The following CCDC125 variants were observed in gnomAD, a reference collection of about 807,000 sequenced individuals.
CCDC125 encodes coiled-coil domain containing 125, also known as coiled-coil domain-containing protein 125.
A neutral mutation model predicts 57.4 loss-of-function variants in CCDC125; 43 were observed. The observed-to-expected ratio is 0.75, with a 90% confidence interval of 0.59 to 0.97. CCDC125 has a LOEUF of 0.97. CCDC125 is among the 50% of genes least tolerant of loss of function. CCDC125 has a pLI of 0.00. For synonymous variants in CCDC125, 187 were observed against 195.2 expected (o/e 0.96, Z 0.35); for missense variants, 563 against 595.7 (o/e 0.95, Z 0.57).
chr5:69,331,232 G>T (rs1396138020), intron 1 of CCDC125, among the ~76,000 whole-genome samples: 1 of 151,986 alleles, frequency 6.6e-6, no homozygotes, highest in Non-Finnish European at 1.5e-5. Context: ...AACTTGGGAG[G>T]TGGAGGTTCC....
intron 10 of CCDC125, among the ~76,000 whole-genome samples, chr5:69,289,716 A>G (rs886898378): frequency 1.3e-5 from 2 of 151,958 alleles, no homozygotes; most frequent in African/African-American, 4.8e-5. Context: ...TACAAAATTT[A>G]GCCTGGCATG....
chr5:69,329,056 G>A (rs1299933452), intron 1 of CCDC125, among the ~76,000 whole-genome samples: 2 of 151,744 alleles, frequency 1.3e-5, no homozygotes, highest in African/African-American at 2.4e-5. Flanking sequence ...GCCTCCCAAA[G>A]TGCTGGGATT....
intron 1 of CCDC125, among the ~76,000 whole-genome samples, chr5:69,324,534 A>C (rs1247492795): frequency 6.6e-6 from 1 of 152,256 alleles, no homozygotes; most frequent in African/African-American, 2.4e-5. Flanking sequence ...TTCATACATC[A>C]CTCAATTTGT....
In CCDC125 at chr5:69,281,158, A is replaced by G. The variant is rs1328267232; in HGVS notation, c.*1571T>C. ...GCCAGCCTACAAGAAATACAAATGT[A>G]CAGGGTAAAATCCTAGCTGGATCAA... On this transcript the variant is annotated 3_prime_UTR_variant, in exon 12 of 12. Transcript: ENST00000396496. 2 of 152,252 alleles carry G rather than the reference A, an allele frequency of 1.3e-5. No homozygotes were observed. The highest frequency in any genetic ancestry group is 2.9e-5 in the Non-Finnish European group (2 of 68,048). The allele number at this position is 152,252 out of a possible 1,614,324, so 9.4% of individuals were successfully genotyped here.
At position 69,291,678 on chromosome 5, in the gene CCDC125, C is replaced by G. The variant is rs139769767; in HGVS notation, c.1099+510G>C. ...CCTGGCCATAAATTTTTGATGGGTT[C>G]GTGAACCAAAACCTAAACCTAAACT... On this transcript the variant is annotated intron_variant, in intron 10 of 11. Transcript: ENST00000396496. Among the ~76,000 whole-genome samples the G allele has an allele frequency of 2.0e-5, 3 of 152,198 alleles. No homozygotes were observed. The East Asian group carries it at 5.8e-4, about 29-fold the overall frequency.
chr5:69,314,945 A>C (rs1758768833), intron 2 of CCDC125, among the ~76,000 whole-genome samples: 1 of 152,194 alleles, frequency 6.6e-6, no homozygotes, highest in Non-Finnish European at 1.5e-5. Context: ...TGAATGATGT[A>C]GTGGTATAAA....
chr5:69,300,149 A>G (rs375431229), intron 7 of CCDC125, 22 bp from the exon 8 acceptor site: 665 of 1,554,242 alleles, frequency 4.3e-4, no homozygotes, highest in Non-Finnish European at 5.3e-4. Context: ...CATATGAGAA[A>G]GTATTCATTA....
At chr5:69,297,306 G>T (rs558637302) in intron 8 of CCDC125, among the ~76,000 whole-genome samples, 1 of 151,568 alleles carries the variant, frequency 6.6e-6, no homozygotes, top group Admixed American at 6.6e-5. Context: ...ATCCCAAAGC[G>T]CTGGGATTAT....
At chr5:69,316,959 C>T (rs777478330) in intron 2 of CCDC125, among the ~76,000 whole-genome samples, 7 of 152,124 alleles carry the variant, frequency 4.6e-5, no homozygotes, top group African/African-American at 7.2e-5. Context: ...AAAATGGGAA[C>T]TCATACTATT....
At chr5:69,278,082 A>T (rs746756194), downstream of CCDC125, among the ~76,000 whole-genome samples, 1 of 152,060 alleles carries the variant, frequency 6.6e-6, no homozygotes, top group Non-Finnish European at 1.5e-5. Flanking sequence ...GGATTTCACC[A>T]TGTTGGCCAG....
chr5:69,309,922 T>C (rs1184928399), intron 4 of CCDC125: 2 of 152,228 alleles, frequency 1.3e-5, no homozygotes, highest in Non-Finnish European at 2.9e-5. Flanking sequence ...ATTTTGGAGC[T>C]TTAAAATTTG....
intron 8 of CCDC125, among the ~76,000 whole-genome samples, chr5:69,295,338 G>A (rs1755134239): frequency 6.6e-6 from 1 of 152,004 alleles, no homozygotes; most frequent in East Asian, 1.9e-4. Context: ...ACTCAGAAAT[G>A]ACGAGGGAAT....
chr5:69,294,163 G>A, intron 9 of CCDC125: 1 of 980,884 alleles, frequency 1.0e-6, no homozygotes, highest in Non-Finnish European at 1.2e-6. Flanking sequence ...GCTGATCCTA[G>A]TGATTTTAAG....
chr5:69,294,891 G>A lies in CCDC125; in HGVS notation c.826C>T (p.Leu276Phe), dbSNP rs780821716. The change falls in exon 9 of 12, where the codon CTC becomes TTC. Residue 276 changes from leucine (L) to phenylalanine (F), a missense_variant. Leu to Phe is a conservative substitution (Grantham distance 22, BLOSUM62 0). Transcript: ENST00000396496. Reference protein sequence around the residue: ...AEASGLELAVLGACLCHGPGG... With the variant: ...AEASGLELAVFGACLCHGPGG... ...GGCCCATGACAAAGGCAGGCTCCGA[G>A]GACCGCAAGCTTTAAATTGAAAAGC... The A allele has an allele frequency of 3.7e-6, 6 of 1,613,168 alleles. No individual in the cohort carries two copies. The highest frequency in any genetic ancestry group is 5.1e-6 in the Non-Finnish European group (6 of 1,179,794).
In CCDC125 at chr5:69,311,576, C is replaced by T. The variant is rs556789114; in HGVS notation, c.367-372G>A. Among the ~76,000 whole-genome samples the T allele has an allele frequency of 2.6e-5, 4 of 151,964 alleles. No individual in the cohort carries two copies. The East Asian group carries it at 5.8e-4, about 22-fold the overall frequency. On this transcript the variant is annotated intron_variant, in intron 3 of 11. Coordinates refer to ENST00000396496, the MANE Select transcript of CCDC125 (RefSeq NM_176816.5). Reference sequence around the variant, plus strand: ...CTGAGACAGGAGAATCGCTTGAACCCGGGAGGCGGAGGTTGCAGTGAGCCG... The same window carrying T: ...CTGAGACAGGAGAATCGCTTGAACCTGGGAGGCGGAGGTTGCAGTGAGCCG...
At chr5:69,294,236 A>G in intron 9 of CCDC125, 7 of 570,636 alleles carry the variant, frequency 1.2e-5, no homozygotes, top group Non-Finnish European at 1.6e-5. Context: ...ATGAGAACAT[A>G]TAAATTTTAG....
In CCDC125 at chr5:69,282,954, AGT is replaced by A. The variant is rs1752652029; in HGVS notation, c.1309_1310del (p.Thr437CysfsTer6). The A allele has an allele frequency of 6.2e-7, 1 of 1,613,816 alleles. No individual in the cohort carries two copies. The highest frequency in any genetic ancestry group is 8.5e-7 in the Non-Finnish European group (1 of 1,179,934). On this transcript the variant is annotated frameshift_variant, in exon 12 of 12. Coordinates refer to ENST00000396496, the MANE Select transcript of CCDC125 (RefSeq NM_176816.5). LOFTEE classifies it low-confidence loss of function (END_TRUNC). ...TTTTTTCTTTATTCTCGTTTGAAGC[AGT>A]GTCTTTGTCTTCCAATGCCCGAGCA... Reference protein sequence around the residue: ...MLARALEDKDTASNENKEKNP... With the variant: ...MLARALEDKDXASNENKEKNP...
intron 1 of CCDC125, among the ~76,000 whole-genome samples, chr5:69,326,204 T>C (rs1423883819): frequency 1.3e-5 from 2 of 152,160 alleles, no homozygotes; most frequent in African/African-American, 2.4e-5. Context: ...TTTTGTATTA[T>C]TTGGAGAATT....
chr5:69,285,943 C>T (rs1753273495), intron 10 of CCDC125, among the ~76,000 whole-genome samples: 1 of 151,844 alleles, frequency 6.6e-6, no homozygotes, highest in African/African-American at 2.4e-5. Context: ...TGTATGACCT[C>T]GGGTGACTTT....
Sources: gnomAD v4.1 joint callset for allele counts (sites outside exome capture counted in the v4.1 genomes callset) on GRCh38, gnomAD v4.1.1 for gene constraint, MANE v1.5 for transcripts, NCBI Gene and HGNC (gene_info 2026-07-23, HGNC 2026-07-21) for gene names.